The following ADAM22 variants were observed in gnomAD, a reference collection of about 807,000 sequenced individuals.
ADAM22 encodes the protein ADAM metallopeptidase domain 22.
In ADAM22, 65 loss-of-function variants were observed where a neutral mutation model predicts 144.6. The observed-to-expected ratio is 0.45, with a 90% confidence interval of 0.37 to 0.55. The LOEUF is 0.55. ADAM22 is among the 20% of genes least tolerant of loss of function. ADAM22 has a pLI of 0.00. For missense variants in ADAM22, 974 were observed against 1,184.9 expected, an observed-to-expected ratio of 0.82 and a Z score of 2.61; for synonymous variants, 391 against 412.6, an observed-to-expected ratio of 0.95 and a Z score of 0.63.
At position 88,153,291 on chromosome 7, in the gene ADAM22, G is replaced by A; in HGVS notation, c.1752G>A (p.Gly584=). Residue 584 remains glycine (G), a synonymous_variant, in exon 21 of 32, where the codon GGG becomes GGA. Transcript: ENST00000413139. The part of the protein sequence containing the change: ...NIEGTEKGNC[G]KDKDTWIQCN... ...AAGGGACGGAGAAGGGTAACTGTGG[G>A]AAAGACAAAGACACATGGATACAGT... 1.2e-6 allele frequency: 2 copies of A among 1,613,398 alleles called. No homozygotes were observed. Among genetic ancestry groups the A allele is most frequent in the Non-Finnish European group, 1.7e-6 (2 of 1,179,632 alleles).
Position 87,934,517 on chromosome 7 carries a change from G to A in ADAM22, c.52G>A (p.Gly18Arg). ...SVPFLLLCVL[G>R]TCPPARCGQA... Reference sequence around the variant, plus strand: ...GCCCTTCTTGCTGCTCTGTGTCCTGGGGACCTGCCCTCCGGCGCGCTGCGG... The same window carrying A: ...GCCCTTCTTGCTGCTCTGTGTCCTGAGGACCTGCCCTCCGGCGCGCTGCGG... The change falls in exon 1 of 32, where the codon GGG becomes AGG. Residue 18 changes from glycine (G) to arginine (R), a missense_variant. This residue lies in a region of ADAM22 where 240 missense variants were observed against 234.3 expected (regional missense o/e 1.02). Transcript: ENST00000413139. 7 of 1,609,332 alleles carry A rather than the reference G, an allele frequency of 4.3e-6. No individual in the cohort carries two copies. Among genetic ancestry groups the A allele is most frequent in the Non-Finnish European group, 5.9e-6 (7 of 1,179,676 alleles).
rs761194474 is a variant in ADAM22, at chr7:88,051,598, G to GC, written c.324-24028_324-24027insC. ...GATAGCATTAGGAGATATACCTAAT[G>GC]TAAATGACGAGTTAGTGGGTGCAGC... On this transcript the variant is annotated intron_variant, in intron 3 of 31. Coordinates refer to ENST00000413139, the MANE Select transcript of ADAM22 (RefSeq NM_001324418.2). Among the ~76,000 whole-genome samples the GC allele has an allele frequency of 7.2e-5, 11 of 152,214 alleles. No homozygotes were observed. In the East Asian group the frequency reaches 1.4e-3, roughly 19 times the overall value.
At position 87,994,141 on chromosome 7, in the gene ADAM22, T is replaced by C. The variant is rs532119357; in HGVS notation, c.323+15729T>C. ...TGTGTTAATTGAAGTCTCTTTCACATTGTGAAAATAGTTACTGTCATTCCT... is the reference window on the plus strand; with the variant it reads ...TGTGTTAATTGAAGTCTCTTTCACACTGTGAAAATAGTTACTGTCATTCCT... On this transcript the variant is annotated intron_variant, in intron 3 of 31. Transcript: ENST00000413139. Among the ~76,000 whole-genome samples, 32 of 152,236 alleles carry C rather than the reference T, an allele frequency of 2.1e-4. No individual in the cohort carries two copies. In the South Asian group the frequency reaches 6.4e-3, roughly 31 times the overall value.
At chr7:87,989,107 A>C (rs915542781) in intron 3 of ADAM22, among the ~76,000 whole-genome samples, 2 of 152,358 alleles carry the variant, frequency 1.3e-5, no homozygotes, top group South Asian at 4.1e-4. Context: ...AGATGTTTCC[A>C]CATGAAAGTT....
Position 88,145,501 on chromosome 7 carries a change from G to A in ADAM22, c.1479G>A (p.Lys493=). 1 of 1,612,908 alleles carries A rather than the reference G, an allele frequency of 6.2e-7. No individual in the cohort carries two copies. Among genetic ancestry groups the A allele is most frequent in the Non-Finnish European group, 8.5e-7 (1 of 1,179,246 alleles). The change falls in exon 17 of 32, where the codon AAG becomes AAA. Residue 493 remains lysine (K), a synonymous_variant. Coordinates refer to ENST00000413139, the MANE Select transcript of ADAM22 (RefSeq NM_001324418.2). ...GCAGTGACGGTCTTTGCTGTAAAAA[G>A]TGCAAGGTAAATAAACATTAATGAC... ...SQCSDGLCCK[K]CKFQPMGTVC... is the part of the protein sequence containing the mutation.
rs887267357 is a variant in ADAM22 at position 88,041,232 on chromosome 7, G to C, written c.324-34394G>C. 4.6e-5 allele frequency among the ~76,000 whole-genome samples: 7 copies of C among 151,958 alleles called. No individual in the cohort carries two copies. In the East Asian group the frequency reaches 1.2e-3, roughly 25 times the overall value. ...TATTCAAGGGGAAGGAATTGTGCAG[G>C]GGGTATACACCTTGGGGTGGGAATC... is the stretch of plus-strand genomic sequence containing the variant. On this transcript the variant is annotated intron_variant, in intron 3 of 31. Coordinates refer to ENST00000413139, the MANE Select transcript of ADAM22 (RefSeq NM_001324418.2).
intron 15 of ADAM22, among the ~76,000 whole-genome samples, chr7:88,144,086 G>A (rs1835605915): frequency 6.6e-6 from 1 of 152,128 alleles, no homozygotes; most frequent in South Asian, 2.1e-4. Context: ...ATGAAATATA[G>A]ACAAAAGTTG....
intron 2 of ADAM22, among the ~76,000 whole-genome samples, chr7:87,956,162 C>T (rs1046841951): frequency 6.6e-6 from 1 of 152,118 alleles, no homozygotes; most frequent in Non-Finnish European, 1.5e-5. Flanking sequence ...CTGGCACTCC[C>T]TAGTGAGATG....
chr7:87,984,108 A>G (rs1000002312), intron 3 of ADAM22, among the ~76,000 whole-genome samples: 7 of 152,080 alleles, frequency 4.6e-5, no homozygotes, highest in African/African-American at 1.7e-4. Flanking sequence ...TACAATTCCT[A>G]TTTTTTATCT....
chr7:88,128,574 A>G (rs757943920), intron 8 of ADAM22, 28 bp from the exon 9 acceptor site: 3 of 1,573,310 alleles, frequency 1.9e-6, no homozygotes, highest in South Asian at 1.1e-5. Context: ...GGGCTGAATT[A>G]GGTGCTGTTT....
chr7:88,144,265 A>C lies in ADAM22; in HGVS notation c.1321-860A>C, dbSNP rs114315186. On this transcript the variant is annotated intron_variant, in intron 15 of 31. Transcript: ENST00000413139. ...TACATTTTCATTCTATAATACGTAA[A>C]CTTTGATTAGCTTTTGAATGAATAT... 1.5e-3 allele frequency among the ~76,000 whole-genome samples: 233 copies of C among 152,204 alleles called. 1 individual carries two copies. Among genetic ancestry groups the C allele is most frequent in the African/African-American group, 5.4e-3 (225 of 41,528 alleles).
rs548347168 is a variant in ADAM22, at chr7:88,165,515, G to T, written c.2077-317G>T. On this transcript the variant is annotated intron_variant, in intron 23 of 31. Transcript: ENST00000413139. ...ATAATTGACAGATGATTATATTTCT[G>T]CTTAGCTTTTTAAATCTTCCTTATA... is the stretch of plus-strand genomic sequence containing the variant. Among the ~76,000 whole-genome samples the T allele has an allele frequency of 3.9e-5, 6 of 152,138 alleles. No individual in the cohort carries two copies. In the East Asian group the frequency reaches 7.7e-4, roughly 20 times the overall value.
At chr7:88,114,531 G>T in intron 5 of ADAM22, 53 bp from the exon 6 acceptor site, 1 of 1,555,350 alleles carries the variant, frequency 6.4e-7, no homozygotes, top group Non-Finnish European at 8.9e-7. Context: ...AAATGATCTT[G>T]TTCTGGGATG....
chr7:88,140,013 A>C (rs1439752615), intron 14 of ADAM22, among the ~76,000 whole-genome samples: 1 of 152,108 alleles, frequency 6.6e-6, no homozygotes, highest in Admixed American at 6.5e-5. Context: ...GCTTCTGGTG[A>C]GATCTCAGGA....
chr7:88,140,493 C>G (rs558508444), intron 14 of ADAM22, among the ~76,000 whole-genome samples: 2 of 152,264 alleles, frequency 1.3e-5, no homozygotes, highest in South Asian at 2.1e-4. Context: ...TAAAGTTTGT[C>G]TTGTCAGAAT....
chr7:88,139,289 G>C (rs1468914277), intron 14 of ADAM22, among the ~76,000 whole-genome samples: 3 of 151,998 alleles, frequency 2.0e-5, no homozygotes, highest in Non-Finnish European at 4.4e-5. Context: ...ATGATGGCAG[G>C]CGCCTCTAAT....
intron 5 of ADAM22, among the ~76,000 whole-genome samples, chr7:88,112,959 A>G (rs2129488605): frequency 6.6e-6 from 1 of 151,984 alleles, no homozygotes; most frequent in Non-Finnish European, 1.5e-5. Context: ...GCCTCATGTG[A>G]TTTCCCCCCG....
chr7:87,992,631 T>A (rs1790172635), intron 3 of ADAM22, among the ~76,000 whole-genome samples: 1 of 152,218 alleles, frequency 6.6e-6, no homozygotes, highest in African/African-American at 2.4e-5. Context: ...AGGTCTACTG[T>A]AAGTGAAGAT....
chr7:88,182,852 C>T (rs1847419622), intron 29 of ADAM22, among the ~76,000 whole-genome samples: 2 of 152,044 alleles, frequency 1.3e-5, no homozygotes, highest in African/African-American at 4.8e-5. Context: ...CTATTTTATC[C>T]TTCCTAAAAT....
Sources: gnomAD v4.1 joint callset for allele counts (sites outside exome capture counted in the v4.1 genomes callset) on GRCh38, gnomAD v4.1.1 for gene constraint, gnomAD v4.1.1 regional missense constraint, MANE v1.5 for transcripts, NCBI Gene and HGNC (gene_info 2026-07-23, HGNC 2026-07-21) for gene names.